Variants in ABT1 observed in about 807,000 individuals in gnomAD.
ABT1 encodes TATA-binding protein-binding protein.
Under a neutral mutation model 14.0 loss-of-function variants are expected in ABT1, and 13 were observed. That is an observed-to-expected ratio of 0.93 (90% CI 0.61 to 1.48). The LOEUF is 1.48. Ranked by LOEUF, ABT1 falls within the 40% of genes most tolerant of loss-of-function variation. The pLI is 0.00. For synonymous variants in ABT1, 165 were observed against 144.6 expected (o/e 1.14, Z -1.01); for missense variants, 430 against 380.0 (o/e 1.13, Z -1.09).
At position 26,599,795 on chromosome 6, in the gene ABT1, C is replaced by T. The variant is rs1234810560; in HGVS notation, c.*1150C>T. On this transcript the variant is annotated 3_prime_UTR_variant, in exon 3 of 3. Transcript: ENST00000274849. The stretch of plus-strand genomic sequence containing the variant: ...TAAAAGGAACTGAAAACCTAGGTGT[C>T]ACAATAAACAGTCTACACAGTCTCA... The T allele has an allele frequency of 6.6e-6, 1 of 152,190 alleles. No homozygotes were observed. The highest frequency in any genetic ancestry group is 2.4e-5 in the African/African-American group (1 of 41,438). 9.4% of individuals were successfully genotyped at this position (152,190 alleles called of 1,614,324 possible).
At position 26,598,507 on chromosome 6, in the gene ABT1, G is replaced by A. The variant is rs782776423; in HGVS notation, c.681G>A (p.Arg227=). ...AACTGAGGGCCCGTAAAGCAGCACG[G>A]CCAGGGGGACGTGAACGGGCTCGCC... The part of the protein sequence containing the change: ...EQELRARKAA[R]PGGRERARLA... The change falls in exon 3 of 3, where the codon CGG becomes CGA. Residue 227 remains arginine, a synonymous_variant. Coordinates refer to ENST00000274849, the MANE Select transcript of ABT1 (RefSeq NM_013375.4). The A allele has an allele frequency of 6.2e-7, 1 of 1,613,848 alleles. No individual in the cohort carries two copies. Among genetic ancestry groups the A allele is most frequent in the African/African-American group, 1.3e-5 (1 of 74,946 alleles).
At position 26,596,961 on chromosome 6, in the gene ABT1, C is replaced by T. The variant is rs116818425; in HGVS notation, c.-22C>T. The T allele has an allele frequency of 2.5e-6, 4 of 1,601,444 alleles. No individual in the cohort carries two copies. The highest frequency in any genetic ancestry group is 3.4e-6 in the Non-Finnish European group (4 of 1,174,508). ...AGTTGGCAAGGCACTTTACGGCCGT[C>T]GTGCCGCTCGTGTCAGTCAACATGG... On this transcript the variant is annotated 5_prime_UTR_variant, in exon 1 of 3. Coordinates refer to ENST00000274849, the MANE Select transcript of ABT1 (RefSeq NM_013375.4).
chr6:26,600,241 A>G lies in ABT1; in HGVS notation c.*1596A>G, dbSNP rs1275671994. 1 of 152,256 alleles carries G rather than the reference A, an allele frequency of 6.6e-6. No homozygotes were observed. Among genetic ancestry groups the G allele is most frequent in the African/African-American group, 2.4e-5 (1 of 41,468 alleles). 9.4% of individuals were successfully genotyped at this position (152,256 alleles called of 1,614,324 possible). ...CAGAATCAGAATTTGACAGGCTGGC[A>G]TATTCATTTATTCAGAATTCCAAGT... is the stretch of plus-strand genomic sequence containing the variant. On this transcript the variant is annotated 3_prime_UTR_variant, in exon 3 of 3. Coordinates refer to ENST00000274849, the MANE Select transcript of ABT1 (RefSeq NM_013375.4).
At chr6:26,597,257 G>A (rs782135794) in intron 1 of ABT1, 34 bp downstream of exon 1, 1 of 1,604,642 alleles carries the variant, frequency 6.2e-7, no homozygotes, top group Admixed American at 1.7e-5. Flanking sequence ...GACAGGAGGA[G>A]GTTGTCGCTC....
rs782681255 is a variant in ABT1 at position 26,597,078 on chromosome 6, C to T, written c.96C>T (p.Ser32=). ...TLDAEEEQEE[S]EEAACGSKKR... The stretch of plus-strand genomic sequence containing the variant: ...ATGCGGAGGAGGAGCAGGAGGAATC[C>T]GAAGAAGCGGCCTGTGGCAGCAAGA... Residue 32 remains serine, a synonymous_variant, in exon 1 of 3, where the codon TCC becomes TCT. Coordinates refer to ENST00000274849, the MANE Select transcript of ABT1 (RefSeq NM_013375.4). 2.9e-5 allele frequency: 47 copies of T among 1,613,872 alleles called. No homozygotes were observed. The highest frequency in any genetic ancestry group is 3.8e-5 in the Non-Finnish European group (45 of 1,180,014).
rs782612332 is a variant in ABT1, at chr6:26,597,909, C to G, written c.242-5C>G. The G allele has an allele frequency of 3.7e-6, 6 of 1,607,440 alleles. No homozygotes were observed. ...CCTGGACGGGTCTTTGTCTTTGGCG[C>G]GCAGACCGGTTCGTGAGACGCAAGA... On this transcript the variant is annotated splice_region_variant and splice_polypyrimidine_tract_variant and intron_variant, in intron 1 of 2. Transcript: ENST00000274849.
At chr6:26,597,865 G>A (rs782712193) in intron 1 of ABT1, 49 bp from the exon 2 acceptor site, 1 of 1,529,238 alleles carries the variant, frequency 6.5e-7, no homozygotes, top group Non-Finnish European at 8.8e-7. Context: ...GTGCTTTTGA[G>A]TGAGTGCTGC....
At chr6:26,597,636 G>T (rs1181330227) in intron 1 of ABT1, among the ~76,000 whole-genome samples, 3 of 152,114 alleles carry the variant, frequency 2.0e-5, no homozygotes, top group South Asian at 4.1e-4. Context: ...TTGATCAACC[G>T]CCCCTCTTCT....
rs1554144918 is a variant in ABT1 at position 26,599,598 on chromosome 6, T to A, written c.*953T>A. On this transcript the variant is annotated 3_prime_UTR_variant, in exon 3 of 3. Coordinates refer to ENST00000274849, the MANE Select transcript of ABT1 (RefSeq NM_013375.4). ...TGGGAGAATAATAAGTCTGAAAGAGTGTGGAGTGCTCCCACAATTACAAAG... is the reference window on the plus strand; with the variant it reads ...TGGGAGAATAATAAGTCTGAAAGAGAGTGGAGTGCTCCCACAATTACAAAG... The A allele has an allele frequency of 6.6e-6, 1 of 151,998 alleles. No individual in the cohort carries two copies. Among genetic ancestry groups the A allele is most frequent in the African/African-American group, 2.4e-5 (1 of 41,350 alleles). 9.4% of individuals were successfully genotyped at this position (151,998 alleles called of 1,614,324 possible).
Position 26,598,803 on chromosome 6 carries a change from C to T in ABT1, c.*158C>T. 1 of 947,254 alleles carries T rather than the reference C, an allele frequency of 1.1e-6. No homozygotes were observed. The highest frequency in any genetic ancestry group is 2.1e-5 in the South Asian group (1 of 47,790). The allele number at this position is 947,254 out of a possible 1,614,324, so 58.7% of individuals were successfully genotyped here. ...TGGAGTTTTGTGGGCTTCCACTGTCCCCACTCCGAACTCCTGTATGTGCCT... is the reference window on the plus strand; with the variant it reads ...TGGAGTTTTGTGGGCTTCCACTGTCTCCACTCCGAACTCCTGTATGTGCCT... On this transcript the variant is annotated 3_prime_UTR_variant, in exon 3 of 3. Coordinates refer to ENST00000274849, the MANE Select transcript of ABT1 (RefSeq NM_013375.4).
Position 26,598,870 on chromosome 6 carries a change from T to C in ABT1, c.*225T>C, listed in dbSNP as rs1196039145. The C allele has an allele frequency of 3.2e-5, 16 of 497,970 alleles. No individual in the cohort carries two copies. The Admixed American group carries it at 5.5e-4, about 17-fold the overall frequency. The allele number at this position is 497,970 out of a possible 1,614,324, so 30.8% of individuals were successfully genotyped here. A position where few individuals can be genotyped will look rare whatever the true frequency, so the allele number is the denominator to read the frequency against. On this transcript the variant is annotated 3_prime_UTR_variant, in exon 3 of 3. Coordinates refer to ENST00000274849, the MANE Select transcript of ABT1 (RefSeq NM_013375.4). Reference sequence around the variant, plus strand: ...TCATACTGTCATACTAGCATAATTATGACTATTGCATATGCTTGTTTTGTT... The same window carrying C: ...TCATACTGTCATACTAGCATAATTACGACTATTGCATATGCTTGTTTTGTT...
At chr6:26,597,821 T>C (rs997687824) in intron 1 of ABT1, 93 bp from the exon 2 acceptor site, 6 of 1,323,538 alleles carry the variant, frequency 4.5e-6, no homozygotes, top group African/African-American at 1.5e-5. Flanking sequence ...GGACTCCCAC[T>C]GGCAGATGTG....
In ABT1 at chr6:26,598,345, G is replaced by A. The variant is rs782401511; in HGVS notation, c.519G>A (p.Ala173=). The change falls in exon 3 of 3, where the codon GCG becomes GCA. Residue 173 remains alanine, a synonymous_variant. Transcript: ENST00000274849. The part of the protein sequence containing the change: ...ERQVRRQRLR[A]EVAQAKRETD... ...AGGTGCGCAGGCAGCGCTTGAGAGC[G>A]GAGGTTGCTCAAGCCAAGCGTGAGA... 7 of 1,614,268 alleles carry A rather than the reference G, an allele frequency of 4.3e-6. No homozygotes were observed. The highest frequency in any genetic ancestry group is 2.7e-5 in the African/African-American group (2 of 75,076).
Position 26,600,213 on chromosome 6 carries a change from A to C in ABT1, c.*1568A>C, listed in dbSNP as rs1318663366. On this transcript the variant is annotated 3_prime_UTR_variant, in exon 3 of 3. Transcript: ENST00000274849. The stretch of plus-strand genomic sequence containing the variant: ...TGATGTCTTAAAGTGAAACAGAAAA[A>C]TCCAGAATCAGAATTTGACAGGCTG... 6 of 152,346 alleles carry C rather than the reference A, an allele frequency of 3.9e-5. No individual in the cohort carries two copies. The highest frequency in any genetic ancestry group is 7.3e-5 in the Non-Finnish European group (5 of 68,036). The allele number at this position is 152,346 out of a possible 1,614,324, so 9.4% of individuals were successfully genotyped here. A position where few individuals can be genotyped will look rare whatever the true frequency, so the allele number is the denominator to read the frequency against.
Position 26,598,503 on chromosome 6 carries a change from C to T in ABT1, c.677C>T (p.Ala226Val). The change falls in exon 3 of 3, where the codon GCA becomes GTA. Residue 226 changes from alanine (A) to valine (V), a missense_variant. Transcript: ENST00000274849. ...CAGGAACTGAGGGCCCGTAAAGCAGCACGGCCAGGGGGACGTGAACGGGCT... is the reference window on the plus strand; with the variant it reads ...CAGGAACTGAGGGCCCGTAAAGCAGTACGGCCAGGGGGACGTGAACGGGCT... ...TEQELRARKA[A>V]RPGGRERARL... is the part of the protein sequence containing the mutation. 1.9e-6 allele frequency: 3 copies of T among 1,614,018 alleles called. No individual in the cohort carries two copies. Among genetic ancestry groups the T allele is most frequent in the Non-Finnish European group, 2.5e-6 (3 of 1,179,908 alleles).
rs149790448 is a variant in ABT1, at chr6:26,597,183, C to A, written c.201C>A (p.Ser67Arg). ...FRPLHVRNLL[S>R]AYGEVGRVFF... ...CCCTGCACGTCCGCAACCTTCTCAG[C>A]GCCTATGGCGAGGTCGGACGCGTCT... is the stretch of plus-strand genomic sequence containing the variant. The change falls in exon 1 of 3, where the codon AGC (serine) becomes AGA (arginine). Residue 67 changes from serine (S) to arginine (R), a missense_variant. Transcript: ENST00000274849. The A allele has an allele frequency of 1.0e-4, 162 of 1,614,258 alleles. No homozygotes were observed. The African/African-American group carries it at 2.0e-3, about 20-fold the overall frequency.
At position 26,600,427 on chromosome 6, in the gene ABT1, A is replaced by G. The variant is rs1334367961; in HGVS notation, c.*1782A>G. On this transcript the variant is annotated 3_prime_UTR_variant, in exon 3 of 3. Transcript: ENST00000274849. ...GCATTCCCACGGTGGACAGCGTTAGATAACAGTATGTTCAAGGGCTGGTAT... is the reference window on the plus strand; with the variant it reads ...GCATTCCCACGGTGGACAGCGTTAGGTAACAGTATGTTCAAGGGCTGGTAT... 6.6e-6 allele frequency: 1 copy of G among 152,272 alleles called. No homozygotes were observed. The highest frequency in any genetic ancestry group is 1.5e-5 in the Non-Finnish European group (1 of 68,058). 9.4% of individuals were successfully genotyped at this position (152,272 alleles called of 1,614,324 possible).
At position 26,597,045 on chromosome 6, in the gene ABT1, G is replaced by T. The variant is rs1764909101; in HGVS notation, c.63G>T (p.Gln21His). 5 of 1,613,898 alleles carry T rather than the reference G, an allele frequency of 3.1e-6. No homozygotes were observed. Residue 21 changes from glutamine (Q) to histidine (H), a missense_variant, in exon 1 of 3, where the codon CAG becomes CAT. Physicochemically the swap from Gln to His is conservative, Grantham distance 24 (BLOSUM62 0). Coordinates refer to ENST00000274849, the MANE Select transcript of ABT1 (RefSeq NM_013375.4). ...TEQEPLEGTEQTLDAEEEQEE... is the reference protein window; with the variant it reads ...TEQEPLEGTEHTLDAEEEQEE... ...AAGAGCCGCTGGAAGGGACAGAACA[G>T]ACACTAGATGCGGAGGAGGAGCAGG...
Position 26,598,092 on chromosome 6 carries a change from T to C in ABT1, c.420T>C (p.Tyr140=). Reference sequence around the variant, plus strand: ...CCCGCAGGCGCAGCCCCTTCCGTTATGATCTTTGGAACCTCAAGGTGAGAA... The same window carrying C: ...CCCGCAGGCGCAGCCCCTTCCGTTACGATCTTTGGAACCTCAAGGTGAGAA... The part of the protein sequence containing the change: ...MGARRRSPFR[Y]DLWNLKYLHR... Residue 140 remains tyrosine, a synonymous_variant, in exon 2 of 3, where the codon TAT becomes TAC. Coordinates refer to ENST00000274849, the MANE Select transcript of ABT1 (RefSeq NM_013375.4). 1 of 1,610,646 alleles carries C rather than the reference T, an allele frequency of 6.2e-7. No individual in the cohort carries two copies. The highest frequency in any genetic ancestry group is 8.5e-7 in the Non-Finnish European group (1 of 1,177,330).
Sources: allele counts gnomAD v4.1 joint callset (sites outside exome capture counted in the v4.1 genomes callset), GRCh38; gene constraint gnomAD v4.1.1; transcripts MANE v1.5; gene names NCBI Gene and HGNC (gene_info 2026-07-23, HGNC 2026-07-21).